The following ADCY2 variants were observed in gnomAD, a reference collection of about 807,000 sequenced individuals.
ADCY2 encodes adenylate cyclase type 2.
A neutral mutation model predicts 125.2 loss-of-function variants in ADCY2; 31 were observed. The observed-to-expected ratio is 0.25, with a 90% CI of 0.19 to 0.33. The LOEUF (loss-of-function observed/expected upper bound fraction) is 0.33, where lower values mean the gene tolerates loss of function less well. Ranked by LOEUF, ADCY2 falls within the 10% of genes least tolerant of loss-of-function variation. The pLI is 1.00. For synonymous variants in ADCY2, 512 were observed against 548.4 expected (o/e 0.93, Z 0.93); for missense variants, 904 against 1,418.2 (o/e 0.64, Z 5.82).
chr5:7,497,151 A>G (rs1046215076), intron 2 of ADCY2, among the ~76,000 whole-genome samples: 4 of 152,184 alleles, frequency 2.6e-5, no homozygotes, highest in African/African-American at 9.6e-5. Flanking sequence ...CCCATCTTTA[A>G]TCTCTCAAAT....
chr5:7,490,503 T>G (rs904904648), intron 2 of ADCY2, among the ~76,000 whole-genome samples: 2 of 152,242 alleles, frequency 1.3e-5, no homozygotes, highest in African/African-American at 4.8e-5. Flanking sequence ...CACAGAGGCT[T>G]TAGTACATAC....
chr5:7,644,343 G>C (rs149535073), intron 4 of ADCY2, among the ~76,000 whole-genome samples: 1 of 151,958 alleles, frequency 6.6e-6, no homozygotes, highest in Admixed American at 6.6e-5. Context: ...AACTATTCTT[G>C]AGGCATCACC....
rs183818368 is a variant in ADCY2 at position 7,681,544 on chromosome 5, G to T, written c.721-9147G>T. ...AGGATTCAGTCATGTGTTCAAGAGA[G>T]AAATGCAGTGCAGTTTTTTCCGGAA... On this transcript the variant is annotated intron_variant, in intron 4 of 24. Coordinates refer to ENST00000338316, the MANE Select transcript of ADCY2 (RefSeq NM_020546.3). Among the ~76,000 whole-genome samples the T allele has an allele frequency of 2.0e-5, 3 of 152,312 alleles. No individual in the cohort carries two copies. In the East Asian group the frequency reaches 5.8e-4, roughly 29 times the overall value.
At chr5:7,730,545 G>A (rs1366417133) in intron 14 of ADCY2, among the ~76,000 whole-genome samples, 1 of 152,142 alleles carries the variant, frequency 6.6e-6, no homozygotes, top group African/African-American at 2.4e-5. Context: ...TATATGATTT[G>A]TTAGGGTTTT....
At chr5:7,713,614 G>A (rs1331590201) in intron 11 of ADCY2, among the ~76,000 whole-genome samples, 1 of 152,078 alleles carries the variant, frequency 6.6e-6, no homozygotes, top group Non-Finnish European at 1.5e-5. Flanking sequence ...CTCAAAAAAA[G>A]AGAAAAGTTT....
At chr5:7,408,923 T>C (rs569760293) in intron 1 of ADCY2, among the ~76,000 whole-genome samples, 44 of 152,228 alleles carry the variant, frequency 2.9e-4, no homozygotes, top group African/African-American at 1.0e-3. Flanking sequence ...TAAAGACACA[T>C]TTATGTGAAT....
chr5:7,695,663 A>G (rs1740866598), intron 5 of ADCY2, 89 bp from the exon 6 acceptor site: 1 of 711,666 alleles, frequency 1.4e-6, no homozygotes. Flanking sequence ...AAGCAAAATT[A>G]CATGATTTTA....
At chr5:7,598,326 T>C (rs1737078610) in intron 3 of ADCY2, among the ~76,000 whole-genome samples, 1 of 152,128 alleles carries the variant, frequency 6.6e-6, no homozygotes, top group Non-Finnish European at 1.5e-5. Flanking sequence ...GGGGTGAGCC[T>C]AAATATGGAC....
chr5:7,702,260 G>C (rs1741106155), intron 7 of ADCY2, among the ~76,000 whole-genome samples: 1 of 148,458 alleles, frequency 6.7e-6, no homozygotes, highest in African/African-American at 2.5e-5. Flanking sequence ...TTCAGTTCTA[G>C]GGTACATGTG....
intron 12 of ADCY2, among the ~76,000 whole-genome samples, chr5:7,721,828 T>C (rs1210642761): frequency 6.6e-6 from 1 of 152,186 alleles, no homozygotes; most frequent in African/African-American, 2.4e-5. Flanking sequence ...TCAGGTAGTG[T>C]GATACCTCCA....
intron 3 of ADCY2, among the ~76,000 whole-genome samples, chr5:7,590,129 A>T (rs908050549): frequency 6.6e-6 from 1 of 152,218 alleles, no homozygotes; most frequent in Non-Finnish European, 1.5e-5. Context: ...TGGAAATGAG[A>T]TAAAATGAAA....
intron 2 of ADCY2, among the ~76,000 whole-genome samples, chr5:7,482,968 A>G (rs141640554): frequency 2.1e-4 from 32 of 152,044 alleles, no homozygotes; most frequent in African/African-American, 6.0e-4. Context: ...AAAAACATTG[A>G]TCTCATGGAG....
intron 3 of ADCY2, among the ~76,000 whole-genome samples, chr5:7,586,635 A>G (rs1457964282): frequency 6.6e-6 from 1 of 151,964 alleles, no homozygotes; most frequent in African/African-American, 2.4e-5. Flanking sequence ...ATCTCGGGGG[A>G]TGTCTTCAGG....
intron 24 of ADCY2, among the ~76,000 whole-genome samples, chr5:7,824,985 C>T (rs138416187): frequency 1.3e-5 from 2 of 152,336 alleles, no homozygotes; most frequent in African/African-American, 2.4e-5. Flanking sequence ...CCCCGGGACA[C>T]ACCACAACCA....
intron 4 of ADCY2, among the ~76,000 whole-genome samples, chr5:7,631,129 T>C (rs1393816063): frequency 6.6e-6 from 1 of 152,146 alleles, no homozygotes; most frequent in Non-Finnish European, 1.5e-5. Context: ...ATCTTCTTCC[T>C]TTTCTCTGAC....
chr5:7,571,564 G>T (rs1274475118), intron 3 of ADCY2, among the ~76,000 whole-genome samples: 2 of 152,086 alleles, frequency 1.3e-5, no homozygotes, highest in African/African-American at 4.8e-5. Flanking sequence ...TTAAAATTTT[G>T]TATAGTTTGT....
intron 16 of ADCY2, among the ~76,000 whole-genome samples, chr5:7,763,833 G>C (rs1579407426): frequency 6.6e-6 from 1 of 152,082 alleles, no homozygotes; most frequent in African/African-American, 2.4e-5. Flanking sequence ...CTCTGTCATC[G>C]CTTGCCATGA....
chr5:7,522,313 T>A (rs527711080), intron 3 of ADCY2: 2 of 152,272 alleles, frequency 1.3e-5, no homozygotes, highest in East Asian at 3.9e-4. Flanking sequence ...ACAGAAAGTG[T>A]GTATCCTTTG....
At chr5:7,555,400 G>A (rs1735475487) in intron 3 of ADCY2, among the ~76,000 whole-genome samples, 1 of 152,240 alleles carries the variant, frequency 6.6e-6, no homozygotes, top group South Asian at 2.1e-4. Flanking sequence ...TTGTGTTTTC[G>A]GGTAGGAATG....
Sources: gnomAD v4.1 joint callset for allele counts (sites outside exome capture counted in the v4.1 genomes callset) on GRCh38, gnomAD v4.1.1 for gene constraint, MANE v1.5 for transcripts, NCBI Gene and HGNC (gene_info 2026-07-23, HGNC 2026-07-21) for gene names.